The following IQCM variants were observed in gnomAD, a reference collection of about 807,000 sequenced individuals.
The protein encoded by IQCM is IQ domain-containing protein M.
A neutral mutation model predicts 57.6 loss-of-function variants in IQCM; 45 were observed. The observed-to-expected ratio is 0.78, with a 90% CI of 0.62 to 1.00. The LOEUF (loss-of-function observed/expected upper bound fraction) is 1.00, where lower values mean the gene tolerates loss of function less well. IQCM is among the 50% of genes least tolerant of loss of function. IQCM has a pLI of 0.00. For missense variants in IQCM, 468 were observed against 511.6 expected (o/e 0.91, Z 0.82); for synonymous variants, 148 against 158.9 (o/e 0.93, Z 0.51).
At chr4:149,386,066 C>T (rs1296717857) in intron 13 of IQCM, among the ~76,000 whole-genome samples, 1 of 152,082 alleles carries the variant, frequency 6.6e-6, no homozygotes, top group East Asian at 1.9e-4. Flanking sequence ...AAAGAAAAGT[C>T]GTAATAGTAG....
intron 2 of IQCM, among the ~76,000 whole-genome samples, chr4:149,800,292 C>T (rs1006397412): frequency 6.6e-6 from 1 of 151,676 alleles, no homozygotes; most frequent in Non-Finnish European, 1.5e-5. Context: ...TAATAAAACT[C>T]AACATTACTT....
chr4:149,515,763 C>T (rs1744893602), intron 12 of IQCM, among the ~76,000 whole-genome samples: 1 of 152,066 alleles, frequency 6.6e-6, no homozygotes, highest in African/African-American at 2.4e-5. Context: ...GGGCTGTAGC[C>T]AATGGTTTGG....
chr4:149,812,333 T>C (rs571472097), intron 2 of IQCM, among the ~76,000 whole-genome samples: 2 of 152,212 alleles, frequency 1.3e-5, no homozygotes, highest in South Asian at 2.1e-4. Flanking sequence ...AATTGGAGGA[T>C]GGGAATGAGC....
chr4:149,752,550 T>TAAAA (rs35458090), intron 2 of IQCM, among the ~76,000 whole-genome samples: 5 of 141,240 alleles, frequency 3.5e-5, no homozygotes, highest in East Asian at 2.1e-4. Flanking sequence ...GACTCTGTCT[T>TAAAA]AAAAAAAAAA....
chr4:149,769,194 A>G (rs983907372), intron 2 of IQCM, among the ~76,000 whole-genome samples: 9 of 152,022 alleles, frequency 5.9e-5, no homozygotes, highest in Admixed American at 3.3e-4. Context: ...TGGTCCTCTC[A>G]TTCTGAAGAG....
chr4:149,699,806 T>A (rs556754823), intron 5 of IQCM, among the ~76,000 whole-genome samples: 1 of 151,010 alleles, frequency 6.6e-6, no homozygotes, highest in African/African-American at 2.4e-5. Context: ...TTTCAAAGAA[T>A]GATAGACCTA....
intron 2 of IQCM, among the ~76,000 whole-genome samples, chr4:149,806,624 TTA>T (rs1355882629): frequency 1.3e-5 from 2 of 151,994 alleles, no homozygotes; most frequent in Non-Finnish European, 2.9e-5. Flanking sequence ...TAATGAACTT[TTA>T]TAAGTAAGTC....
At chr4:149,748,782 T>C (rs1272296970) in intron 2 of IQCM, 1 of 152,198 alleles carries the variant, frequency 6.6e-6, no homozygotes. Context: ...AAATGATCAA[T>C]GTTAGATAGA....
chr4:149,402,181 C>T (rs1264540592), intron 13 of IQCM, among the ~76,000 whole-genome samples: 2 of 151,632 alleles, frequency 1.3e-5, no homozygotes, highest in Non-Finnish European at 3.0e-5. Context: ...TTCTTGGGTT[C>T]CTCTTTTCCA....
intron 2 of IQCM, among the ~76,000 whole-genome samples, chr4:149,814,526 C>A (rs1774875195): frequency 6.6e-6 from 1 of 151,262 alleles, no homozygotes; most frequent in South Asian, 2.1e-4. Flanking sequence ...TATACTTAAT[C>A]ATTCCAAAAA....
chr4:149,571,264 GA>G (rs1483138153), intron 9 of IQCM, among the ~76,000 whole-genome samples: 2 of 151,894 alleles, frequency 1.3e-5, no homozygotes, highest in Admixed American at 1.3e-4. Context: ...ACATATGAAT[GA>G]AAAAAGAAGA....
At chr4:149,460,854 G>A (rs6815434) in intron 12 of IQCM, among the ~76,000 whole-genome samples, 56,387 of 151,950 alleles carry the variant, frequency 0.37, 11,589 homozygotes, top group East Asian at 0.5. Context: ...CAAACAAAAT[G>A]AGGTACTGAT....
At chr4:149,480,455 A>G (rs1043255784) in intron 12 of IQCM, among the ~76,000 whole-genome samples, 1 of 152,000 alleles carries the variant, frequency 6.6e-6, no homozygotes, top group South Asian at 2.1e-4. Context: ...TCTATTCTCT[A>G]TCTCCATGAG....
chr4:149,370,626 A>G (rs1448559162), intron 13 of IQCM, among the ~76,000 whole-genome samples: 2 of 152,016 alleles, frequency 1.3e-5, no homozygotes, highest in Non-Finnish European at 2.9e-5. Flanking sequence ...TTGTAAAAAG[A>G]GTGTGCTGGC....
intron 13 of IQCM, among the ~76,000 whole-genome samples, chr4:149,424,019 A>T (rs1240059383): frequency 6.6e-6 from 1 of 152,090 alleles, no homozygotes; most frequent in East Asian, 1.9e-4. Context: ...GTTTGAAAAC[A>T]TAGCTTAGCT....
intron 5 of IQCM, among the ~76,000 whole-genome samples, chr4:149,702,588 G>T (rs887375558): frequency 2.0e-5 from 3 of 151,748 alleles, no homozygotes; most frequent in Non-Finnish European, 4.4e-5. Context: ...TCAAATGTCT[G>T]GTTTGTTTCA....
In IQCM at chr4:149,686,446, G is replaced by C; in HGVS notation, c.408C>G (p.Ile136Met). The C allele has an allele frequency of 8.2e-7, 1 of 1,226,486 alleles. No individual in the cohort carries two copies. Among genetic ancestry groups the C allele is most frequent in the Non-Finnish European group, 1.0e-6 (1 of 983,360 alleles). The allele number at this position is 1,226,486 out of a possible 1,614,324, so 76.0% of individuals were successfully genotyped here. A position where few individuals can be genotyped will look rare whatever the true frequency, so the allele number is the denominator to read the frequency against. ...ITKGQVKLDK[I>M]MTIIEPVSKK... Reference sequence around the variant, plus strand: ...TACTCACTGGTTCAATAATAGTCATGATTTTATCCAATTTAACTTGTCCTG... The same window carrying C: ...TACTCACTGGTTCAATAATAGTCATCATTTTATCCAATTTAACTTGTCCTG... Residue 136 changes from isoleucine (I) to methionine (M), a missense_variant, in exon 6 of 14, where the codon ATC becomes ATG. Coordinates refer to ENST00000636793, the MANE Select transcript of IQCM (RefSeq NM_001363507.2).
intron 7 of IQCM, among the ~76,000 whole-genome samples, chr4:149,681,394 A>C (rs1202414610): frequency 6.6e-6 from 1 of 151,214 alleles, no homozygotes; most frequent in Non-Finnish European, 1.5e-5. Context: ...CATATTCACA[A>C]ATTTTAGTTT....
chr4:149,745,017 A>C (rs1767794127), intron 2 of IQCM, among the ~76,000 whole-genome samples: 2 of 152,158 alleles, frequency 1.3e-5, no homozygotes, highest in South Asian at 4.1e-4. Flanking sequence ...AGAGTTCAAG[A>C]AGAACTGAGC....
Sources: gnomAD v4.1 joint callset for allele counts (sites outside exome capture counted in the v4.1 genomes callset) on GRCh38, gnomAD v4.1.1 for gene constraint, MANE v1.5 for transcripts, NCBI Gene and HGNC (gene_info 2026-07-23, HGNC 2026-07-21) for gene names.